GALNT10: variants seen among roughly 807,000 people sequenced by gnomAD.
GALNT10 encodes GalNAc transferase 10.
A neutral mutation model predicts 75.0 loss-of-function variants in GALNT10; 41 were observed. The observed-to-expected ratio is 0.55, with a 90% confidence interval of 0.43 to 0.71. The LOEUF is 0.71. GALNT10 is among the 30% of genes least tolerant of loss of function. The pLI, the probability that GALNT10 is intolerant of heterozygous loss-of-function variation, is 0.00. For synonymous variants in GALNT10, 302 were observed against 313.0 expected (o/e 0.96, Z 0.37); for missense variants, 727 against 818.5 (o/e 0.89, Z 1.36).
At chr5:154,381,088 G>A (rs1246613040) in intron 6 of GALNT10, among the ~76,000 whole-genome samples, 5 of 152,174 alleles carry the variant, frequency 3.3e-5, no homozygotes, top group East Asian at 1.9e-4. Context: ...ATTTGCCCAG[G>A]TTACTAGGTA....
intron 1 of GALNT10, among the ~76,000 whole-genome samples, chr5:154,241,791 CA>C (rs1373146335): frequency 1.3e-5 from 2 of 152,182 alleles, no homozygotes; most frequent in Non-Finnish European, 2.9e-5. Context: ...ATACACAACG[CA>C]CACTGAGCAT....
At chr5:154,396,660 G>A (rs186518917) in intron 7 of GALNT10, among the ~76,000 whole-genome samples, 3 of 152,238 alleles carry the variant, frequency 2.0e-5, no homozygotes, top group South Asian at 2.1e-4. Flanking sequence ...TGCCTCCCTC[G>A]CTGGGTTGCT....
At chr5:154,332,291 G>A (rs1301268639) in intron 4 of GALNT10, among the ~76,000 whole-genome samples, 2 of 152,188 alleles carry the variant, frequency 1.3e-5, no homozygotes, top group East Asian at 3.9e-4. Context: ...GCTCCTTGTT[G>A]TACTCCTTCT....
chr5:154,266,573 T>TA (rs70978533), intron 1 of GALNT10, among the ~76,000 whole-genome samples: 83,189 of 141,710 alleles, frequency 0.59, 25,349 homozygotes, highest in East Asian at 0.77. Context: ...AGACTATCAT[T>TA]AAAAAAAAAA....
intron 1 of GALNT10, among the ~76,000 whole-genome samples, chr5:154,221,228 G>T (rs1486188772): frequency 1.3e-5 from 2 of 152,168 alleles, no homozygotes; most frequent in East Asian, 3.8e-4. Flanking sequence ...AGGGTACGTG[G>T]GTGAATAGGT....
intron 7 of GALNT10, among the ~76,000 whole-genome samples, chr5:154,396,239 TTAA>T: frequency 6.6e-6 from 1 of 151,198 alleles, no homozygotes; most frequent in East Asian, 1.9e-4. Context: ...AATTAGGTAA[TTAA>T]TGTTTGTTTG....
intron 1 of GALNT10, among the ~76,000 whole-genome samples, chr5:154,232,440 A>C (rs1332810194): frequency 6.6e-6 from 1 of 152,218 alleles, no homozygotes; most frequent in Non-Finnish European, 1.5e-5. Context: ...GTGGTGAGAA[A>C]ACCATATATA....
At chr5:154,240,916 G>GA (rs1414440322) in intron 1 of GALNT10, among the ~76,000 whole-genome samples, 4 of 152,050 alleles carry the variant, frequency 2.6e-5, no homozygotes, top group African/African-American at 9.7e-5. Flanking sequence ...TAATTTGAAG[G>GA]AAAAAATACC....
At chr5:154,256,750 T>C (rs10052166) in intron 1 of GALNT10, among the ~76,000 whole-genome samples, 99,067 of 151,710 alleles carry the variant, frequency 0.65, 32,712 homozygotes, top group East Asian at 0.86. Flanking sequence ...AGTCAATGGC[T>C]GATGTTTTTG....
intron 7 of GALNT10, among the ~76,000 whole-genome samples, chr5:154,400,901 G>A (rs1172535279): frequency 1.3e-5 from 2 of 152,176 alleles, no homozygotes; most frequent in Non-Finnish European, 2.9e-5. Context: ...GGCCTGCACT[G>A]GGATGCTCTC....
At chr5:154,403,242 G>A (rs1315601711) in intron 7 of GALNT10, among the ~76,000 whole-genome samples, 1 of 152,144 alleles carries the variant, frequency 6.6e-6, no homozygotes, top group Non-Finnish European at 1.5e-5. Context: ...TGGGTAAGTG[G>A]CTGAGCCAGG....
intron 4 of GALNT10, chr5:154,356,046 C>T: frequency 2.3e-6 from 1 of 440,754 alleles, no homozygotes. Context: ...CTGAAAGCCT[C>T]TGTTTTGGTA....
intron 9 of GALNT10, among the ~76,000 whole-genome samples, chr5:154,411,447 C>A (rs908952956): frequency 6.6e-6 from 1 of 152,220 alleles, no homozygotes; most frequent in Non-Finnish European, 1.5e-5. Flanking sequence ...TCACTGGGGC[C>A]ATCGGGGAAG....
At chr5:154,303,938 A>G (rs1375358160) in intron 3 of GALNT10, among the ~76,000 whole-genome samples, 1 of 152,202 alleles carries the variant, frequency 6.6e-6, no homozygotes, top group Non-Finnish European at 1.5e-5. Context: ...ACTGTATTTC[A>G]TATGTTTAAA....
At chr5:154,192,380 C>A (rs973980384) in intron 1 of GALNT10, among the ~76,000 whole-genome samples, 1 of 152,246 alleles carries the variant, frequency 6.6e-6, no homozygotes, top group Admixed American at 6.5e-5. Flanking sequence ...CTGGTTCAAA[C>A]CCTGACAGCT....
chr5:154,411,636 C>T (rs951849279), intron 9 of GALNT10, among the ~76,000 whole-genome samples: 3 of 152,200 alleles, frequency 2.0e-5, no homozygotes, highest in Non-Finnish European at 4.4e-5. Context: ...TTGCCTGGCT[C>T]AGCTGCCTGG....
At chr5:154,302,880 C>G (rs1205565298) in intron 3 of GALNT10, among the ~76,000 whole-genome samples, 1 of 152,126 alleles carries the variant, frequency 6.6e-6, no homozygotes, top group Non-Finnish European at 1.5e-5. Context: ...ACATCCCTAA[C>G]AGGCTACAAA....
intron 1 of GALNT10, among the ~76,000 whole-genome samples, chr5:154,290,942 A>G (rs1030282247): frequency 6.6e-6 from 1 of 152,202 alleles, no homozygotes; most frequent in Non-Finnish European, 1.5e-5. Flanking sequence ...TTAGACATGT[A>G]GAACTCCCTG....
intron 6 of GALNT10, among the ~76,000 whole-genome samples, 188 bp downstream of exon 6, chr5:154,380,819 A>C (rs1481871026): frequency 1.3e-5 from 2 of 152,048 alleles, no homozygotes. Flanking sequence ...TAACAACCTC[A>C]GCTCATGGCC....
Sources: gnomAD v4.1 joint callset for allele counts (sites outside exome capture counted in the v4.1 genomes callset) on GRCh38, gnomAD v4.1.1 for gene constraint, MANE v1.5 for transcripts, NCBI Gene and HGNC (gene_info 2026-07-23, HGNC 2026-07-21) for gene names.